Variants in HIPK3 observed in about 807,000 individuals in gnomAD.
HIPK3 encodes the protein homeodomain-interacting protein kinase 3.
HIPK3 carries 47 observed loss-of-function variants against 124.2 expected under a neutral mutation model. The ratio of observed to expected loss-of-function variants is 0.38; its 90% confidence interval spans 0.30 to 0.48. The LOEUF (loss-of-function observed/expected upper bound fraction) is 0.48. Among genes scored for constraint, HIPK3 ranks in the 20% least tolerant of loss-of-function variants. The pLI, the probability that HIPK3 is intolerant of heterozygous loss-of-function variation, is 0.98. For synonymous variants in HIPK3, 482 were observed against 515.2 expected, an observed-to-expected ratio of 0.94 and a Z score of 0.87; for missense variants, 1,286 against 1,454.3, an observed-to-expected ratio of 0.88 and a Z score of 1.88.
intron 2 of HIPK3, among the ~76,000 whole-genome samples, chr11:33,320,554 G>A (rs1409799083): frequency 6.6e-6 from 1 of 152,210 alleles, no homozygotes. Context: ...TAGTTAGGAA[G>A]TTCTTGCAGT....
chr11:33,286,311 T>G, intron 1 of HIPK3, 102 bp from the exon 2 acceptor site: 1 of 1,076,396 alleles, frequency 9.3e-7, no homozygotes, highest in Non-Finnish European at 1.3e-6. Context: ...ATTTGACCCT[T>G]AAGAGTTTTC....
chr11:33,334,728 C>T (rs1853088211), intron 3 of HIPK3, among the ~76,000 whole-genome samples: 1 of 152,058 alleles, frequency 6.6e-6, no homozygotes, highest in African/African-American at 2.4e-5. Flanking sequence ...TCATGCAGCC[C>T]CTGGGCCGGG....
intron 2 of HIPK3, among the ~76,000 whole-genome samples, chr11:33,304,714 C>A (rs965428895): frequency 6.6e-6 from 1 of 152,202 alleles, no homozygotes; most frequent in Non-Finnish European, 1.5e-5. Context: ...CTCAATGATA[C>A]ACATTCAGTT....
rs1554965209 is a variant in HIPK3, at chr11:33,308,641, T to TGA, written c.1098-19866_1098-19865dup. Reference sequence around the variant, plus strand: ...GTGTGTGTGTGTGTGTGTGTGTGTGTGAGATTCTGCTTGGGGTTTATAGAG... The same window carrying TGA: ...GTGTGTGTGTGTGTGTGTGTGTGTGTGAGAGATTCTGCTTGGGGTTTATAGAG... On this transcript the variant is annotated intron_variant, in intron 2 of 16. Transcript: ENST00000303296. Among the ~76,000 whole-genome samples, 12 of 151,726 alleles carry TGA rather than the reference T, an allele frequency of 7.9e-5. No individual in the cohort carries two copies. The East Asian group carries it at 1.2e-3, about 15-fold the overall frequency.
At chr11:33,280,384 G>C (rs765348571) in intron 1 of HIPK3, among the ~76,000 whole-genome samples, 26 of 152,320 alleles carry the variant, frequency 1.7e-4, no homozygotes, top group Middle Eastern at 3.4e-3. Flanking sequence ...AGCAAGTCGT[G>C]AGTATGTCTG....
chr11:33,265,706 G>A (rs1362482507), intron 1 of HIPK3, among the ~76,000 whole-genome samples: 1 of 143,192 alleles, frequency 7.0e-6, no homozygotes, highest in African/African-American at 2.6e-5. Flanking sequence ...CCAGGAGGTC[G>A]AGGCTGCAGT....
At chr11:33,310,281 T>TTTATCTATCTATCTATCTATC (rs1554965372) in intron 2 of HIPK3, among the ~76,000 whole-genome samples, 99 of 121,150 alleles carry the variant, frequency 8.2e-4, no homozygotes, top group Non-Finnish European at 1.6e-3. Context: ...TCTGTCTATC[T>TTTATCTATCTATCTATCTATC]TATCTATCTA....
chr11:33,287,146 A>G lies in HIPK3; in HGVS notation c.732A>G (p.Ile244Met), dbSNP rs931991377. The G allele has an allele frequency of 3.1e-6, 5 of 1,614,082 alleles. No individual in the cohort carries two copies. Among genetic ancestry groups the G allele is most frequent in the Non-Finnish European group, 4.2e-6 (5 of 1,180,022 alleles). The change falls in exon 2 of 17, where the codon ATA (isoleucine) becomes ATG (methionine). Residue 244 changes from isoleucine (I) to methionine (M), a missense_variant. Ile to Met is a conservative substitution (Grantham distance 10, BLOSUM62 1). Around this residue, in one of 3 missense-constraint regions of HIPK3, gnomAD observed 251 missense variants for 349.1 expected, o/e 0.72. Transcript: ENST00000303296. ...GTCAAGGTCAAATAGAAGTGAGCAT[A>G]TTAGCAAGGCTCAGTACTGAAAATG... ...YARQGQIEVS[I>M]LARLSTENAD...
chr11:33,329,288 C>A lies in HIPK3; in HGVS notation c.1221+655C>A, dbSNP rs1852902820. Among the ~76,000 whole-genome samples the A allele has an allele frequency of 4.6e-5, 7 of 152,214 alleles. 1 individual carries two copies. In the South Asian group the frequency reaches 1.2e-3, roughly 27 times the overall value. On this transcript the variant is annotated intron_variant, in intron 3 of 16. Coordinates refer to ENST00000303296, the MANE Select transcript of HIPK3 (RefSeq NM_005734.5). ...AGAAACTGCCATCTTATTTATTATTCTTTGAGTATCTTTGAGATAATGTAC... is the reference window on the plus strand; with the variant it reads ...AGAAACTGCCATCTTATTTATTATTATTTGAGTATCTTTGAGATAATGTAC...
At chr11:33,317,133 A>G (rs1055795579) in intron 2 of HIPK3, among the ~76,000 whole-genome samples, 2 of 151,754 alleles carry the variant, frequency 1.3e-5, no homozygotes, top group Non-Finnish European at 2.9e-5. Context: ...ACCATGCCTG[A>G]CTAATTTTTG....
At chr11:33,310,385 A>G (rs1274126688) in intron 2 of HIPK3, among the ~76,000 whole-genome samples, 1 of 151,984 alleles carries the variant, frequency 6.6e-6, no homozygotes, top group Non-Finnish European at 1.5e-5. Context: ...GGCTCACTGT[A>G]ACTTCCACAT....
chr11:33,322,827 G>GA (rs1404534405), intron 2 of HIPK3, among the ~76,000 whole-genome samples: 27 of 151,338 alleles, frequency 1.8e-4, no homozygotes, highest in African/African-American at 4.4e-4. Flanking sequence ...CTCCGTCTCA[G>GA]AAAAAAAAAC....
chr11:33,294,076 C>A (rs1258571134), intron 2 of HIPK3, among the ~76,000 whole-genome samples: 1 of 151,646 alleles, frequency 6.6e-6, no homozygotes, highest in Non-Finnish European at 1.5e-5. Context: ...ATCGTTTGAA[C>A]CCGGGAGGCG....
chr11:33,340,480 A>G (rs1853298875), intron 6 of HIPK3, among the ~76,000 whole-genome samples: 1 of 152,266 alleles, frequency 6.6e-6, no homozygotes, highest in African/African-American at 2.4e-5. Flanking sequence ...GACAAAATGA[A>G]GAAGGCATGG....
intron 4 of HIPK3, 130 bp downstream of exon 4, chr11:33,337,324 CCTT>C (rs1009820317): frequency 1.5e-5 from 7 of 473,730 alleles, no homozygotes; most frequent in East Asian, 1.4e-4. Flanking sequence ...CATTTTTGGC[CCTT>C]CTTTATTTTA....
At chr11:33,310,272 C>CTT (rs746449604) in intron 2 of HIPK3, among the ~76,000 whole-genome samples, 9 of 60,590 alleles carry the variant, frequency 1.5e-4, no homozygotes, top group South Asian at 1.4e-3. Flanking sequence ...GTCTGTCTGT[C>CTT]TGTCTATCTT....
intron 8 of HIPK3, among the ~76,000 whole-genome samples, chr11:33,343,750 T>A (rs527822904): frequency 1.3e-5 from 2 of 152,184 alleles, no homozygotes; most frequent in African/African-American, 2.4e-5. Flanking sequence ...TCGGGGTAGC[T>A]TTATTTTCAT....
chr11:33,311,914 C>CACA (rs1237242672), intron 2 of HIPK3, among the ~76,000 whole-genome samples: 1 of 136,538 alleles, frequency 7.3e-6, no homozygotes, highest in Non-Finnish European at 1.6e-5. Flanking sequence ...TGTTTCTACA[C>CACA]ACACACACAC....
intron 2 of HIPK3, among the ~76,000 whole-genome samples, chr11:33,293,174 T>A (rs1291431224): frequency 2.0e-5 from 3 of 152,192 alleles, no homozygotes; most frequent in African/African-American, 7.2e-5. Flanking sequence ...GCTCTTAAGT[T>A]TTTTTGTTTT....
Sources: gnomAD v4.1 joint callset for allele counts (sites outside exome capture counted in the v4.1 genomes callset) on GRCh38, gnomAD v4.1.1 for gene constraint, gnomAD v4.1.1 regional missense constraint, MANE v1.5 for transcripts, NCBI Gene and HGNC (gene_info 2026-07-23, HGNC 2026-07-21) for gene names.